Variants in MCM6 observed in about 807,000 individuals in gnomAD.
MCM6 encodes the protein minichromosome maintenance complex component 6.
In MCM6, 46 loss-of-function variants were observed where a neutral mutation model predicts 94.3. That is an observed-to-expected ratio of 0.49 (90% CI 0.39 to 0.62). The LOEUF (loss-of-function observed/expected upper bound fraction) is 0.62, where lower values mean the gene tolerates loss of function less well. Ranked by LOEUF, MCM6 falls within the 20% of genes least tolerant of loss-of-function variation. The pLI, the probability that MCM6 is intolerant of heterozygous loss-of-function variation, is 0.00. For synonymous variants in MCM6, 335 were observed against 351.9 expected (o/e 0.95, Z 0.54); for missense variants, 865 against 1,017.9 (o/e 0.85, Z 2.04).
chr2:135,856,608 C>T (rs1679896460), intron 11 of MCM6, 120 bp downstream of exon 11: 1 of 1,017,256 alleles, frequency 9.8e-7, no homozygotes, highest in South Asian at 1.8e-5. Flanking sequence ...TCCTGTGCCA[C>T]CCTGAGGGAA....
intron 14 of MCM6, among the ~76,000 whole-genome samples, chr2:135,846,807 C>G (rs1337571487): frequency 6.6e-6 from 1 of 152,072 alleles, no homozygotes; most frequent in Non-Finnish European, 1.5e-5. Context: ...AGTTTGAGAC[C>G]AGCCTGGCCA....
In MCM6 at chr2:135,876,252, G is replaced by A; in HGVS notation, c.107+7C>T. On this transcript the variant is annotated splice_region_variant and intron_variant, in intron 1 of 16. Transcript: ENST00000264156. ...GCGGGCGAGGCCCGGGGCGCTCGCC[G>A]ACTTACTCCTCCAAGAAGTCCAGGA... 1 of 1,592,010 alleles carries A rather than the reference G, an allele frequency of 6.3e-7. No individual in the cohort carries two copies.
At chr2:135,841,182 TAAGA>T (rs1679562766) in intron 16 of MCM6, among the ~76,000 whole-genome samples, 1 of 152,232 alleles carries the variant, frequency 6.6e-6, no homozygotes, top group African/African-American at 2.4e-5. Context: ...TGTGGAAAAT[TAAGA>T]AATACTTAAA....
chr2:135,855,766 G>A (rs1679861395), intron 11 of MCM6, among the ~76,000 whole-genome samples: 1 of 152,188 alleles, frequency 6.6e-6, no homozygotes, highest in South Asian at 2.1e-4. Context: ...GCTGTGCACT[G>A]TACCCAATAA....
intron 1 of MCM6, 141 bp downstream of exon 1, chr2:135,876,118 A>G (rs1285713246): frequency 2.8e-5 from 17 of 602,006 alleles, no homozygotes; most frequent in Non-Finnish European, 4.2e-5. Context: ...CTCGGAGCCT[A>G]AAGTTGGGGG....
Position 135,857,926 on chromosome 2 carries a change from T to TGATGAA in MCM6, c.1440_1441insTTCATC (p.Gln480_Thr481insPheIle). 6.2e-7 allele frequency: 1 copy of TGATGAA among 1,614,010 alleles called. No individual in the cohort carries two copies. Among genetic ancestry groups the TGATGAA allele is most frequent in the East Asian group, 2.2e-5 (1 of 44,890 alleles). ...ACTCCTGCTTTAGTGATGGATATGG[T>TGATGAA]CTGCTGTTCCATAGCTTCATGAATA... On this transcript the variant is annotated inframe_insertion, in exon 10 of 17. Coordinates refer to ENST00000264156, the MANE Select transcript of MCM6 (RefSeq NM_005915.6).
In MCM6 at chr2:135,857,796, C is replaced by A; in HGVS notation, c.1470+101G>T. On this transcript the variant is annotated intron_variant, in intron 10 of 16. Coordinates refer to ENST00000264156, the MANE Select transcript of MCM6 (RefSeq NM_005915.6). The stretch of plus-strand genomic sequence containing the variant: ...TTTTCCATTTTAATGAACAGCATTA[C>A]ACACTGAAGTAATGAATTTTATCCA... 3 of 889,882 alleles carry A rather than the reference C, an allele frequency of 3.4e-6. No individual in the cohort carries two copies. In the South Asian group the frequency reaches 4.4e-5, roughly 13 times the overall value. The allele number at this position is 889,882 out of a possible 1,614,324, so 55.1% of individuals were successfully genotyped here. A position where few individuals can be genotyped will look rare whatever the true frequency, so the allele number is the denominator to read the frequency against.
intron 14 of MCM6, among the ~76,000 whole-genome samples, chr2:135,847,655 C>G (rs1196322375): frequency 1.3e-5 from 2 of 152,186 alleles, no homozygotes; most frequent in African/African-American, 4.8e-5. Context: ...CCTCCGCCTC[C>G]CGGGTTCAAG....
At position 135,876,235 on chromosome 2, in the gene MCM6, G is replaced by T. The variant is rs1288321232; in HGVS notation, c.107+24C>A. 8.3e-6 allele frequency: 13 copies of T among 1,566,080 alleles called. No individual in the cohort carries two copies. In the Admixed American group the frequency reaches 1.3e-4, roughly 15 times the overall value. On this transcript the variant is annotated intron_variant, in intron 1 of 16. Transcript: ENST00000264156. Reference sequence around the variant, plus strand: ...CGCCGCAGGCTCCGGAGGCGGGCGAGGCCCGGGGCGCTCGCCGACTTACTC... The same window carrying T: ...CGCCGCAGGCTCCGGAGGCGGGCGATGCCCGGGGCGCTCGCCGACTTACTC...
In MCM6 at chr2:135,876,433, T is replaced by C; in HGVS notation, c.-68A>G. 2.2e-6 allele frequency: 3 copies of C among 1,346,480 alleles called. 1 individual carries two copies. Among genetic ancestry groups the C allele is most frequent in the South Asian group, 2.7e-5 (2 of 73,512 alleles). The allele number at this position is 1,346,480 out of a possible 1,614,324, so 83.4% of individuals were successfully genotyped here. A position where few individuals can be genotyped will look rare whatever the true frequency, so the allele number is the denominator to read the frequency against. On this transcript the variant is annotated 5_prime_UTR_variant, in exon 1 of 17. Transcript: ENST00000264156. ...CCACAAGTCGCTTTTTTCCAGACGC[T>C]GCAGCTTTGCGCGCGCCGCCGCCGC...
chr2:135,843,460 C>T (rs765693345), intron 16 of MCM6, among the ~76,000 whole-genome samples: 4 of 151,964 alleles, frequency 2.6e-5, no homozygotes, highest in South Asian at 2.1e-4. Flanking sequence ...AGGCCAGGCA[C>T]GGTGGCTCAC....
At chr2:135,869,419 A>C (rs1296936475) in intron 3 of MCM6, among the ~76,000 whole-genome samples, 1 of 151,516 alleles carries the variant, frequency 6.6e-6, no homozygotes, top group Non-Finnish European at 1.5e-5. Context: ...AAAAAAACAA[A>C]AACAGAATGA....
At chr2:135,868,275 A>C (rs1394986337) in intron 4 of MCM6, among the ~76,000 whole-genome samples, 4 of 152,200 alleles carry the variant, frequency 2.6e-5, no homozygotes, top group African/African-American at 9.6e-5. Flanking sequence ...TCTATGCAGC[A>C]AATGGAAATC....
chr2:135,859,793 C>A (rs1442369164), intron 8 of MCM6, among the ~76,000 whole-genome samples: 1 of 151,560 alleles, frequency 6.6e-6, no homozygotes, highest in African/African-American at 2.4e-5. Context: ...AGAGTTAATA[C>A]CTGATAAAAA....
At chr2:135,852,967 G>A (rs2105578257) in intron 11 of MCM6, 52 bp from the exon 12 acceptor site, 3 of 1,498,996 alleles carry the variant, frequency 2.0e-6, no homozygotes, top group East Asian at 2.4e-5. Context: ...ATCTTCTCCA[G>A]ACTATCCCAG....
At chr2:135,842,949 T>G (rs1239632258) in intron 16 of MCM6, among the ~76,000 whole-genome samples, 3 of 152,210 alleles carry the variant, frequency 2.0e-5, no homozygotes, top group African/African-American at 7.2e-5. Flanking sequence ...TAAAATAATC[T>G]GATTTATATT....
Position 135,844,624 on chromosome 2 carries a change from T to A in MCM6, c.2270A>T (p.Glu757Val). Reference sequence around the variant, plus strand: ...TTCTTCTTCAGAGTCTATCTCTGATTCGATTTCCTTCAAGTACCAGTTAAC... The same window carrying A: ...TTCTTCTTCAGAGTCTATCTCTGATACGATTTCCTTCAAGTACCAGTTAAC... ...ELVNWYLKEI[E>V]SEIDSEEELI... The change falls in exon 16 of 17, where the codon GAA becomes GTA. Residue 757 changes from glutamate to valine, a missense_variant. This residue lies in a region of MCM6 where 308 missense variants were observed against 324.5 expected (regional missense o/e 0.95). Coordinates refer to ENST00000264156, the MANE Select transcript of MCM6 (RefSeq NM_005915.6). 6.3e-7 allele frequency: 1 copy of A among 1,588,576 alleles called. No individual in the cohort carries two copies. Among genetic ancestry groups the A allele is most frequent in the Non-Finnish European group, 8.6e-7 (1 of 1,169,504 alleles).
At chr2:135,874,855 G>A (rs1314082754) in intron 1 of MCM6, among the ~76,000 whole-genome samples, 1 of 152,152 alleles carries the variant, frequency 6.6e-6, no homozygotes, top group African/African-American at 2.4e-5. Context: ...AAAAAGTAAG[G>A]AAATTCTGAC....
chr2:135,855,643 G>C (rs1278808287), intron 11 of MCM6, among the ~76,000 whole-genome samples: 1 of 152,110 alleles, frequency 6.6e-6, no homozygotes, highest in Non-Finnish European at 1.5e-5. Context: ...GGGTGACAGA[G>C]TAAGACTTTG....
Sources: allele counts gnomAD v4.1 joint callset (sites outside exome capture counted in the v4.1 genomes callset), GRCh38; gene constraint gnomAD v4.1.1; regional missense constraint gnomAD v4.1.1; transcripts MANE v1.5; gene names NCBI Gene and HGNC (gene_info 2026-07-23, HGNC 2026-07-21).